TRIM39: variants seen among roughly 807,000 people sequenced by gnomAD.
The protein encoded by TRIM39 is tripartite motif containing 39, also known as E3 ubiquitin-protein ligase TRIM39.
Under a neutral mutation model 53.6 loss-of-function variants are expected in TRIM39, and 5 were observed. The observed-to-expected ratio is 0.09, with a 90% CI of 0.05 to 0.20. TRIM39 has a LOEUF of 0.20. TRIM39 is among the 10% of genes least tolerant of loss of function. The probability of loss-of-function intolerance (pLI) is 1.00; values close to 1 mark genes in which losing one functional copy is unlikely to be tolerated. For synonymous variants in TRIM39, 196 were observed against 237.6 expected (o/e 0.82, Z 1.61); for missense variants, 310 against 621.0 (o/e 0.50, Z 5.32).
rs2127416005 is a variant in TRIM39, at chr6:30,342,538, CG to C, written c.*282del. ...CATCAGGTTTTCTGTTGCACAAGGACGGGTCAGGAAGGAAGGAGAGGCTTTT... is the reference window on the plus strand; with the variant it reads ...CATCAGGTTTTCTGTTGCACAAGGACGGTCAGGAAGGAAGGAGAGGCTTTT... On this transcript the variant is annotated 3_prime_UTR_variant, in exon 8 of 8. Transcript: ENST00000396551. This position sits in a 1 kb window ranked among gnomAD's most constrained non-coding sequence, Gnocchi z 4.7. 1.8e-6 allele frequency: 1 copy of C among 541,426 alleles called. No individual in the cohort carries two copies. The highest frequency in any genetic ancestry group is 3.0e-5 in the East Asian group (1 of 33,134). 33.5% of individuals were successfully genotyped at this position (541,426 alleles called of 1,614,324 possible).
At chr6:30,336,034 C>T (rs184311603) in intron 5 of TRIM39, 59 bp downstream of exon 5, 1 of 1,600,918 alleles carries the variant, frequency 6.2e-7, no homozygotes, top group Admixed American at 1.7e-5. Flanking sequence ...TTTGCGTAGC[C>T]TGGGATTTGT....
rs1361933799 is a variant in TRIM39 at position 30,342,969 on chromosome 6, C to T, written c.*710C>T. The stretch of plus-strand genomic sequence containing the variant: ...AAGAAAGCAGAGGAGAACCCAGGTC[C>T]CTGCCTCAGCCTTCAGCAGAGTTGG... On this transcript the variant is annotated 3_prime_UTR_variant, in exon 8 of 8. Coordinates refer to ENST00000396551, the Ensembl canonical transcript of TRIM39. This position sits in a 1 kb window ranked among gnomAD's most constrained non-coding sequence, Gnocchi z 4.7. The T allele has an allele frequency of 6.5e-6, 1 of 152,898 alleles. No individual in the cohort carries two copies. Among genetic ancestry groups the T allele is most frequent in the East Asian group, 1.9e-4 (1 of 5,176 alleles). 9.5% of individuals were successfully genotyped at this position (152,898 alleles called of 1,614,324 possible).
In TRIM39 at chr6:30,339,789, C is replaced by G. The variant is rs1787278624; in HGVS notation, c.781-119C>G. 19 of 1,397,542 alleles carry G rather than the reference C, an allele frequency of 1.4e-5. No homozygotes were observed. Among genetic ancestry groups the G allele is most frequent in the Non-Finnish European group, 1.9e-5 (19 of 1,000,302 alleles). The allele number at this position is 1,397,542 out of a possible 1,614,324, so 86.6% of individuals were successfully genotyped here. On this transcript the variant is annotated intron_variant, in intron 5 of 7. Coordinates refer to ENST00000396551, the Ensembl canonical transcript of TRIM39. The surrounding 1 kb of genome is among the most constrained non-coding windows in gnomAD (Gnocchi z 4.2). ...GGAGCTCTTCTTGCACTGTGTGACCCTCAGTTTATCCTATCCCTATTTTAT... is the reference window on the plus strand; with the variant it reads ...GGAGCTCTTCTTGCACTGTGTGACCGTCAGTTTATCCTATCCCTATTTTAT...
rs1786752413 is a variant in TRIM39 at position 30,335,564 on chromosome 6, C to T, written c.550-181C>T. 6.6e-6 allele frequency among the ~76,000 whole-genome samples: 1 copy of T among 152,158 alleles called. No individual in the cohort carries two copies. On this transcript the variant is annotated intron_variant, in intron 4 of 7. Coordinates refer to ENST00000396551, the Ensembl canonical transcript of TRIM39. The surrounding 1 kb of genome is among the most constrained non-coding windows in gnomAD (Gnocchi z 4.7). ...TCTCAAACTTCTCATCCCAAGCAAT[C>T]CACCTCCCTCGGCCTCCCAAAGTCC...
At position 30,329,245 on chromosome 6, in the gene TRIM39, A is replaced by AT. The variant is rs1039331037; in HGVS notation, c.-7-66_-7-65insT. 21 of 1,473,968 alleles carry AT rather than the reference A, an allele frequency of 1.4e-5. No individual in the cohort carries two copies. In the Admixed American group the frequency reaches 4.4e-4, roughly 31 times the overall value. 91.3% of individuals were successfully genotyped at this position (1,473,968 alleles called of 1,614,324 possible). Reference sequence around the variant, plus strand: ...ATAAATGTCGGGTCAGGGATGCAAAAAAAAAAAAAAGAAAAAACCTCCAAT... The same window carrying AT: ...ATAAATGTCGGGTCAGGGATGCAAAATAAAAAAAAAAGAAAAAACCTCCAAT... On this transcript the variant is annotated intron_variant, in intron 2 of 7. Transcript: ENST00000396551.
exon 3 of TRIM39, chr6:30,329,367 C>A: frequency 6.2e-7 from 1 of 1,613,090 alleles, no homozygotes; most frequent in Non-Finnish European, 8.5e-7. Context: ...GCCTCTACAG[C>A]TGCGGCTTTG....
At chr6:30,330,854 A>T in exon 4 of TRIM39, 1 of 1,614,126 alleles carries the variant, frequency 6.2e-7, no homozygotes, top group Non-Finnish European at 8.5e-7. Context: ...TCCTCTGAGG[A>T]GAAGAAGCCT....
chr6:30,331,227 C>G (rs1296953417), intron 4 of TRIM39, among the ~76,000 whole-genome samples: 1 of 151,542 alleles, frequency 6.6e-6, no homozygotes, highest in Non-Finnish European at 1.5e-5. Context: ...CAAGATCACA[C>G]CATTGTACTC....
At chr6:30,328,563 T>TCATA (rs1785704727) in intron 1 of TRIM39, among the ~76,000 whole-genome samples, 1 of 152,250 alleles carries the variant, frequency 6.6e-6, no homozygotes, top group Non-Finnish European at 1.5e-5. Flanking sequence ...GAGGACTCTC[T>TCATA]TTGCTTATCT....
intron 4 of TRIM39, among the ~76,000 whole-genome samples, chr6:30,332,785 A>G (rs1786343188): frequency 6.6e-6 from 1 of 152,146 alleles, no homozygotes; most frequent in South Asian, 2.1e-4. Context: ...TTTAAACTGT[A>G]AATTGTCATT....
chr6:30,338,362 A>G lies in TRIM39; in HGVS notation c.781-1546A>G, dbSNP rs1384682188. Reference sequence around the variant, plus strand: ...GTGAGAGACATGTGATTCTTCTTTCACATGAACACTTAGAGGCCATTGCAG... The same window carrying G: ...GTGAGAGACATGTGATTCTTCTTTCGCATGAACACTTAGAGGCCATTGCAG... On this transcript the variant is annotated intron_variant, in intron 5 of 7. Transcript: ENST00000396551. The surrounding 1 kb of genome is among the most constrained non-coding windows in gnomAD (Gnocchi z 4.0). Among the ~76,000 whole-genome samples, 3 of 151,962 alleles carry G rather than the reference A, an allele frequency of 2.0e-5. No homozygotes were observed. Among genetic ancestry groups the G allele is most frequent in the African/African-American group, 7.3e-5 (3 of 41,332 alleles).
intron 4 of TRIM39, 82 bp downstream of exon 4, chr6:30,330,958 A>G (rs1204387328): frequency 1.3e-6 from 2 of 1,483,728 alleles, no homozygotes; most frequent in Non-Finnish European, 1.8e-6. Flanking sequence ...TTAATCCACC[A>G]GTTCCGGTTC....
Position 30,329,780 on chromosome 6 carries a change from C to T in TRIM39, c.453+10C>T. ...TACACAGGAGTACAAGGTGGGGAAG[C>T]AGACACACGATGTCAGTGTGGGTAA... On this transcript the variant is annotated intron_variant, in intron 3 of 7. Coordinates refer to ENST00000396551, the Ensembl canonical transcript of TRIM39. 1.2e-6 allele frequency: 2 copies of T among 1,607,486 alleles called. No homozygotes were observed. The highest frequency in any genetic ancestry group is 1.7e-6 in the Non-Finnish European group (2 of 1,176,040).
chr6:30,340,410 A>G, intron 6 of TRIM39, 95 bp from the exon 7 acceptor site: 1 of 1,610,380 alleles, frequency 6.2e-7, no homozygotes. Flanking sequence ...GAGAATTTTA[A>G]TTTCTCCCTA....
chr6:30,334,932 A>G (rs920595967), intron 4 of TRIM39, among the ~76,000 whole-genome samples: 5 of 152,062 alleles, frequency 3.3e-5, no homozygotes, highest in East Asian at 1.9e-4. Flanking sequence ...AGGTCTCACT[A>G]TGTTTCCTAG....
rs760615280 is a variant in TRIM39, at chr6:30,335,836, G to A, written c.641G>A (p.Arg214Gln). ...GAAGAGCAGCAGGTGTTGCTTTCAC[G>A]ACTGGAAGAAGAGGAACAGGACATT... Residue 214 changes from arginine (R) to glutamine (Q), a missense_variant, in exon 5 of 8, where the codon CGA becomes CAA. Transcript: ENST00000396551. This position sits in a 1 kb window ranked among gnomAD's most constrained non-coding sequence, Gnocchi z 4.7. 25 of 1,612,848 alleles carry A rather than the reference G, an allele frequency of 1.6e-5. No homozygotes were observed. Among genetic ancestry groups the A allele is most frequent in the Non-Finnish European group, 2.0e-5 (24 of 1,180,018 alleles).
intron 1 of TRIM39, chr6:30,327,485 A>T (rs1458170221): frequency 6.5e-6 from 1 of 152,770 alleles, no homozygotes; most frequent in East Asian, 1.9e-4. Flanking sequence ...TAGAAACAAA[A>T]TGAGATTGTC....
intron 2 of TRIM39, 24 bp downstream of exon 2, chr6:30,329,065 G>A: frequency 1.9e-6 from 1 of 522,756 alleles, no homozygotes; most frequent in Non-Finnish European, 3.4e-6. Context: ...TAGATCAATT[G>A]GGGGTTGTGT....
rs550303337 is a variant in TRIM39, at chr6:30,333,563, G to A, written c.550-2182G>A. Among the ~76,000 whole-genome samples, 42 of 151,588 alleles carry A rather than the reference G, an allele frequency of 2.8e-4. 2 individuals are homozygous for A. The highest frequency in any genetic ancestry group is 2.0e-3 in the Admixed American group (30 of 15,206). On this transcript the variant is annotated intron_variant, in intron 4 of 7. Transcript: ENST00000396551. ...TTTTTAGTAGAGACAGGGTTTCACC[G>A]TGTTATCCAGGATGGTCTCGATCTC... is the stretch of plus-strand genomic sequence containing the variant.
Sources: allele counts gnomAD v4.1 joint callset (sites outside exome capture counted in the v4.1 genomes callset), GRCh38; gene constraint gnomAD v4.1.1; non-coding constraint Gnocchi (gnomAD v3.1); transcripts MANE v1.5; gene names NCBI Gene and HGNC (gene_info 2026-07-23, HGNC 2026-07-21).